ABHD10: variants seen among roughly 807,000 people sequenced by gnomAD.
The protein encoded by ABHD10 is abhydrolase domain containing 10, depalmitoylase.
Under a neutral mutation model 33.1 loss-of-function variants are expected in ABHD10, and 22 were observed. The ratio of observed to expected loss-of-function variants is 0.66; its 90% CI spans 0.47 to 0.95. ABHD10 has a LOEUF of 0.95. Ranked by LOEUF, ABHD10 falls within the 40% of genes least tolerant of loss-of-function variation. The pLI is 0.00. For synonymous variants in ABHD10, 146 were observed against 133.9 expected (o/e 1.09, Z -0.62); for missense variants, 352 against 379.9 (o/e 0.93, Z 0.61).
intron 1 of ABHD10, among the ~76,000 whole-genome samples, chr3:111,981,368 A>AAAAAT (rs1247540363): frequency 6.6e-6 from 1 of 152,122 alleles, no homozygotes; most frequent in Non-Finnish European, 1.5e-5. Context: ...TTGTCAAACA[A>AAAAAT]AAAATAAATT....
rs201908492 is a variant in ABHD10, at chr3:111,981,803, A to C, written c.162A>C (p.Ser54=). The change falls in exon 2 of 5, where the codon TCA becomes TCC. Residue 54 remains serine (S), a synonymous_variant. Transcript: ENST00000273359. ...RWLPACRQKT[S]LSFLNRPDLP... ...GTTTAGCTTGTAGACAAAAGACGTC[A>C]CTCTCATTCCTTAATCGACCAGACC... The C allele has an allele frequency of 4.5e-5, 71 of 1,562,462 alleles. No individual in the cohort carries two copies. Among genetic ancestry groups the C allele is most frequent in the Non-Finnish European group, 1.2e-5 (14 of 1,143,670 alleles).
rs546945285 is a variant in ABHD10 at position 111,979,752 on chromosome 3, C to G, written c.142+549C>G. 4.2e-4 allele frequency among the ~76,000 whole-genome samples: 64 copies of G among 152,216 alleles called. 1 individual carries two copies. Among genetic ancestry groups the G allele is most frequent in the Middle Eastern group, 3.4e-3 (1 of 294 alleles). Reference sequence around the variant, plus strand: ...GAATTTGGGCTAAAAATCAGAGAACCTCTTATATGTATATATAGTCTTTGA... The same window carrying G: ...GAATTTGGGCTAAAAATCAGAGAACGTCTTATATGTATATATAGTCTTTGA... On this transcript the variant is annotated intron_variant, in intron 1 of 4. Transcript: ENST00000273359.
chr3:111,988,062 C>T (rs1042795309), intron 4 of ABHD10, among the ~76,000 whole-genome samples: 24 of 151,658 alleles, frequency 1.6e-4, no homozygotes, highest in Non-Finnish European at 1.8e-4. Flanking sequence ...GAGAACAATG[C>T]TTTAGAGAAT....
chr3:111,983,127 G>A (rs1213271202), intron 2 of ABHD10, among the ~76,000 whole-genome samples: 1 of 152,060 alleles, frequency 6.6e-6, no homozygotes, highest in East Asian at 1.9e-4. Flanking sequence ...TAGAAATTTG[G>A]CAGAAATACT....
At chr3:111,986,831 A>T in intron 3 of ABHD10, 83 bp from the exon 4 acceptor site, 1 of 1,014,384 alleles carries the variant, frequency 9.9e-7, no homozygotes, top group Non-Finnish European at 1.4e-6. Flanking sequence ...TTACTTTCTA[A>T]TTTTTTATTG....
At chr3:111,980,859 G>A (rs952330256) in intron 1 of ABHD10, among the ~76,000 whole-genome samples, 2 of 152,132 alleles carry the variant, frequency 1.3e-5, no homozygotes, top group African/African-American at 4.8e-5. Flanking sequence ...AAAATTATGA[G>A]TTGTTACCAT....
chr3:111,979,213 C>T lies in ABHD10; in HGVS notation c.142+10C>T, dbSNP rs971512908. The T allele has an allele frequency of 2.5e-6, 4 of 1,590,390 alleles. No individual in the cohort carries two copies. Among genetic ancestry groups the T allele is most frequent in the Admixed American group, 1.7e-5 (1 of 58,556 alleles). On this transcript the variant is annotated intron_variant, in intron 1 of 4. Coordinates refer to ENST00000273359, the MANE Select transcript of ABHD10 (RefSeq NM_018394.4). ...CCACGGTGGCTCCCAGGTCAGTGTC[C>T]GAAAGGCGGGAGTAGGATGCGTTCT...
intron 4 of ABHD10, among the ~76,000 whole-genome samples, chr3:111,989,272 A>G (rs1321204489): frequency 6.6e-6 from 1 of 152,186 alleles, no homozygotes; most frequent in Non-Finnish European, 1.5e-5. Flanking sequence ...TGGACACTAG[A>G]GGGCCTCAGA....
intron 1 of ABHD10, among the ~76,000 whole-genome samples, chr3:111,981,091 C>T (rs906545048): frequency 2.6e-5 from 4 of 151,716 alleles, no homozygotes; most frequent in Non-Finnish European, 4.4e-5. Context: ...GTCACTTGAG[C>T]CTGGGAGTTT....
chr3:111,984,466 T>A (rs1045886736), intron 2 of ABHD10, among the ~76,000 whole-genome samples: 1 of 152,056 alleles, frequency 6.6e-6, no homozygotes, highest in Non-Finnish European at 1.5e-5. Flanking sequence ...ATCAACAGTG[T>A]GAGATGTGAA....
rs2072749594 is a variant in ABHD10, at chr3:111,992,201, GATA to G, written c.*484_*486del. 1 of 149,802 alleles carries G rather than the reference GATA, an allele frequency of 6.7e-6. No individual in the cohort carries two copies. The highest frequency in any genetic ancestry group is 1.9e-4 in the East Asian group (1 of 5,154). 9.3% of individuals were successfully genotyped at this position (149,802 alleles called of 1,614,324 possible). On this transcript the variant is annotated 3_prime_UTR_variant, in exon 5 of 5. Transcript: ENST00000273359. The stretch of plus-strand genomic sequence containing the variant: ...GAAGCATAATAAAGTTCACAATAAG[GATA>G]ATACTTTATATAATGTATAAAGTAT...
intron 4 of ABHD10, among the ~76,000 whole-genome samples, chr3:111,990,158 A>G (rs1012925802): frequency 2.6e-5 from 4 of 152,026 alleles, no homozygotes; most frequent in African/African-American, 2.4e-5. Flanking sequence ...ATAATCTATT[A>G]TATATAAATA....
intron 4 of ABHD10, among the ~76,000 whole-genome samples, chr3:111,987,658 T>C (rs965120313): frequency 2.0e-5 from 3 of 152,248 alleles, no homozygotes; most frequent in Non-Finnish European, 4.4e-5. Context: ...ATTGTTGCTA[T>C]ACTGTATCGT....
intron 2 of ABHD10, among the ~76,000 whole-genome samples, chr3:111,985,849 A>C (rs1252381256): frequency 6.6e-6 from 1 of 152,124 alleles, no homozygotes; most frequent in East Asian, 1.9e-4. Flanking sequence ...GAGAAATGAG[A>C]TCAGAGAGGT....
chr3:111,989,242 C>G (rs1465728517), intron 4 of ABHD10, among the ~76,000 whole-genome samples: 1 of 152,186 alleles, frequency 6.6e-6, no homozygotes, highest in Non-Finnish European at 1.5e-5. Flanking sequence ...TTAACTGACT[C>G]TAATCATTAT....
intron 4 of ABHD10, among the ~76,000 whole-genome samples, chr3:111,989,788 A>T (rs1433381868): frequency 6.6e-6 from 1 of 150,878 alleles, no homozygotes; most frequent in Admixed American, 6.6e-5. Flanking sequence ...TCATTTGGAG[A>T]CATATTTAGA....
chr3:111,989,027 C>T lies in ABHD10; in HGVS notation c.576+1976C>T, dbSNP rs115782900. Among the ~76,000 whole-genome samples the T allele has an allele frequency of 2.9e-3, 443 of 152,300 alleles. 6 individuals are homozygous for T. Among genetic ancestry groups the T allele is most frequent in the African/African-American group, 9.8e-3 (406 of 41,570 alleles). ...ACTTACTCAGATAAGCAGTTGTTAA[C>T]AGAAGCATGTTGAGCCCTTGGTTAA... On this transcript the variant is annotated intron_variant, in intron 4 of 4. Coordinates refer to ENST00000273359, the MANE Select transcript of ABHD10 (RefSeq NM_018394.4).
At chr3:111,990,521 AT>A (rs1259611131) in intron 4 of ABHD10, among the ~76,000 whole-genome samples, 2 of 151,848 alleles carry the variant, frequency 1.3e-5, no homozygotes, top group African/African-American at 4.8e-5. Flanking sequence ...CAAAATTCTA[AT>A]TTTTTTAGAA....
At chr3:111,979,336 C>G (rs773678547) in intron 1 of ABHD10, 133 bp downstream of exon 1, 36 of 1,114,690 alleles carry the variant, frequency 3.2e-5, no homozygotes, top group Non-Finnish European at 4.1e-5. Flanking sequence ...CACCCCAGTT[C>G]TAGGCGCTTT....
Sources: allele counts gnomAD v4.1 joint callset (sites outside exome capture counted in the v4.1 genomes callset), GRCh38; gene constraint gnomAD v4.1.1; transcripts MANE v1.5; gene names NCBI Gene and HGNC (gene_info 2026-07-23, HGNC 2026-07-21).